OXR1: variants seen among roughly 807,000 people sequenced by gnomAD.
The protein encoded by OXR1 is oxidation resistance protein 1.
In OXR1, 41 loss-of-function variants were observed where a neutral mutation model predicts 104.6. That is an observed-to-expected ratio of 0.39 (90% CI 0.31 to 0.51). The LOEUF (loss-of-function observed/expected upper bound fraction) is 0.51. Ranked by LOEUF, OXR1 falls within the 20% of genes least tolerant of loss-of-function variation. The probability of loss-of-function intolerance (pLI) is 0.77; values close to 1 mark genes in which losing one functional copy is unlikely to be tolerated. For synonymous variants in OXR1, 348 were observed against 348.4 expected (o/e 1.00, Z 0.01); for missense variants, 955 against 1,031.9 (o/e 0.93, Z 1.02).
chr8:106,744,097 G>A (rs1835177711), intron 15 of OXR1, among the ~76,000 whole-genome samples: 1 of 152,188 alleles, frequency 6.6e-6, no homozygotes. Context: ...GCTAATGGAT[G>A]CTGGGCTTAA....
intron 2 of OXR1, among the ~76,000 whole-genome samples, chr8:106,398,421 G>A (rs949431955): frequency 2.0e-5 from 3 of 152,146 alleles, no homozygotes; most frequent in Admixed American, 1.3e-4. Flanking sequence ...ATTGAGAGCT[G>A]CTGCTGCAAG....
At chr8:106,500,403 G>T (rs1469975887) in intron 2 of OXR1, among the ~76,000 whole-genome samples, 2 of 152,212 alleles carry the variant, frequency 1.3e-5, no homozygotes, top group Non-Finnish European at 2.9e-5. Flanking sequence ...AGAACATTGT[G>T]AAACTCCCTG....
At chr8:106,318,478 T>C (rs991206894) in intron 1 of OXR1, among the ~76,000 whole-genome samples, 1 of 152,204 alleles carries the variant, frequency 6.6e-6, no homozygotes, top group Non-Finnish European at 1.5e-5. Context: ...TGCTAGCCTC[T>C]TCCCCACTCC....
chr8:106,586,950 A>G (rs900030799), intron 3 of OXR1, among the ~76,000 whole-genome samples: 1 of 152,218 alleles, frequency 6.6e-6, no homozygotes, highest in African/African-American at 2.4e-5. Flanking sequence ...CGATTTAGAA[A>G]TGGTAATTAG....
chr8:106,294,412 A>AAAAAAG lies in OXR1; in HGVS notation c.-139+24048_-139+24049insAAGAAA, dbSNP rs71307051. On this transcript the variant is annotated intron_variant, in intron 1 of 16. Transcript: ENST00000517566. ...CTCTGTCTCAAAAAAAAAAAAAAAA[A>AAAAAAG]AAAGAAAGAAAGAAATACCTGAGAC... Among the ~76,000 whole-genome samples the AAAAAAG allele has an allele frequency of 3.6e-3, 472 of 131,358 alleles. 6 individuals are homozygous for AAAAAAG. Among genetic ancestry groups the AAAAAAG allele is most frequent in the South Asian group, 0.011 (45 of 3,930 alleles). The allele number at this position is 131,358 out of a possible 152,430, so 86.2% of individuals were successfully genotyped here.
At chr8:106,329,540 G>A (rs184630140) in intron 1 of OXR1, among the ~76,000 whole-genome samples, 366 of 152,092 alleles carry the variant, frequency 2.4e-3, no homozygotes, top group Middle Eastern at 0.017. Flanking sequence ...GTAAAGACGG[G>A]GTTTCACCGT....
At chr8:106,289,545 C>T (rs1432858273) in intron 1 of OXR1, among the ~76,000 whole-genome samples, 2 of 152,174 alleles carry the variant, frequency 1.3e-5, no homozygotes, top group African/African-American at 2.4e-5. Flanking sequence ...ATTCAATGCT[C>T]ATGGATTGGA....
intron 1 of OXR1, among the ~76,000 whole-genome samples, chr8:106,294,312 A>G (rs1459933395): frequency 6.7e-6 from 1 of 150,166 alleles, no homozygotes; most frequent in Non-Finnish European, 1.5e-5. Context: ...AGGAGAATTA[A>G]CGTGAACTTG....
chr8:106,339,426 C>A (rs1432277550), intron 1 of OXR1, among the ~76,000 whole-genome samples: 1 of 133,662 alleles, frequency 7.5e-6, no homozygotes, highest in Non-Finnish European at 1.5e-5. Context: ...ACCTGGCAGG[C>A]GGAGCTTGCA....
chr8:106,342,036 C>T (rs1180966098), intron 1 of OXR1, among the ~76,000 whole-genome samples: 1 of 135,522 alleles, frequency 7.4e-6, no homozygotes, highest in East Asian at 2.1e-4. Flanking sequence ...CCACCATGCC[C>T]AGCTGATTAA....
At chr8:106,679,581 A>G (rs999832224) in intron 4 of OXR1, among the ~76,000 whole-genome samples, 3 of 152,002 alleles carry the variant, frequency 2.0e-5, no homozygotes, top group Non-Finnish European at 2.9e-5. Flanking sequence ...GCTTTTAGGA[A>G]AATTTTTAGT....
intron 3 of OXR1, among the ~76,000 whole-genome samples, chr8:106,662,839 G>GGATGAT (rs5893799): frequency 0.016 from 2,328 of 149,098 alleles, 32 homozygotes; most frequent in Admixed American, 0.044. Flanking sequence ...TCAGTAAATG[G>GGATGAT]GATGATGATG....
chr8:106,393,651 A>G (rs1327944081), intron 2 of OXR1, among the ~76,000 whole-genome samples: 2 of 152,042 alleles, frequency 1.3e-5, no homozygotes, highest in African/African-American at 4.8e-5. Flanking sequence ...GTAATGAAAT[A>G]CATAACATAA....
intron 11 of OXR1, among the ~76,000 whole-genome samples, chr8:106,731,115 ACATAT>A: frequency 6.6e-6 from 1 of 152,290 alleles, no homozygotes; most frequent in South Asian, 2.1e-4. Context: ...TTCCCTGGTG[ACATAT>A]CATAGTGAGC....
At chr8:106,449,568 GAA>G (rs1820201349) in intron 2 of OXR1, among the ~76,000 whole-genome samples, 1 of 152,132 alleles carries the variant, frequency 6.6e-6, no homozygotes, top group African/African-American at 2.4e-5. Flanking sequence ...ACTGAGATAA[GAA>G]AAGAGTAAGC....
chr8:106,691,303 TCA>T (rs1398780841), intron 6 of OXR1, among the ~76,000 whole-genome samples: 3 of 151,950 alleles, frequency 2.0e-5, no homozygotes, highest in Non-Finnish European at 4.4e-5. Flanking sequence ...TCATTAATAA[TCA>T]CAGTTTAAAA....
chr8:106,726,149 C>A (rs1833318487), intron 11 of OXR1: 5 of 1,457,336 alleles, frequency 3.4e-6, no homozygotes, highest in Non-Finnish European at 4.5e-6. Flanking sequence ...TGTAGTAAGG[C>A]TCTAGTGCTG....
intron 1 of OXR1, among the ~76,000 whole-genome samples, chr8:106,273,090 A>C (rs1811883228): frequency 6.6e-6 from 1 of 152,308 alleles, no homozygotes; most frequent in South Asian, 2.1e-4. Flanking sequence ...CCTGCATTTG[A>C]AATACAAAGG....
intron 1 of OXR1, among the ~76,000 whole-genome samples, chr8:106,311,266 C>A (rs1006001374): frequency 2.1e-4 from 32 of 152,098 alleles, no homozygotes; most frequent in African/African-American, 7.7e-4. Flanking sequence ...CTTCTTATAT[C>A]GGTTATAGTG....
Sources: allele counts gnomAD v4.1 joint callset (sites outside exome capture counted in the v4.1 genomes callset), GRCh38; gene constraint gnomAD v4.1.1; transcripts MANE v1.5; gene names NCBI Gene and HGNC (gene_info 2026-07-23, HGNC 2026-07-21).